The following GPR149 variants were observed in gnomAD, a reference collection of about 807,000 sequenced individuals.
GPR149 encodes probable G protein-coupled receptor 149.
Under a neutral mutation model 50.2 loss-of-function variants are expected in GPR149, and 50 were observed. The observed-to-expected ratio is 1.00, with a 90% confidence interval of 0.79 to 1.26. GPR149 has a LOEUF of 1.26. GPR149 is among the 50% of genes most tolerant of loss of function. The pLI is 0.00. For synonymous variants in GPR149, 405 were observed against 358.2 expected (o/e 1.13, Z -1.48); for missense variants, 983 against 895.4 (o/e 1.10, Z -1.25).
At chr3:154,388,056 G>T (rs1284728488) in intron 3 of GPR149, among the ~76,000 whole-genome samples, 1 of 152,002 alleles carries the variant, frequency 6.6e-6, no homozygotes, top group African/African-American at 2.4e-5. Flanking sequence ...TGCCTATTTT[G>T]AATTGCAGGA....
At chr3:154,423,796 A>G (rs1712211668) in intron 2 of GPR149, among the ~76,000 whole-genome samples, 1 of 151,942 alleles carries the variant, frequency 6.6e-6, no homozygotes, top group African/African-American at 2.4e-5. Context: ...AACCAAAAAT[A>G]TAAAATAAAA....
chr3:154,350,076 A>C (rs1002873260), intron 3 of GPR149, among the ~76,000 whole-genome samples: 1 of 152,140 alleles, frequency 6.6e-6, no homozygotes, highest in African/African-American at 2.4e-5. Context: ...GTGTGCCTGT[A>C]ATCCCAGCTA....
intron 3 of GPR149, among the ~76,000 whole-genome samples, chr3:154,377,119 A>G (rs1714810409): frequency 6.6e-6 from 1 of 151,302 alleles, no homozygotes; most frequent in Non-Finnish European, 1.5e-5. Context: ...CATAGCAGGT[A>G]TTTATAAAGT....
chr3:154,408,570 T>G (rs1437414371), intron 3 of GPR149, among the ~76,000 whole-genome samples: 1 of 152,080 alleles, frequency 6.6e-6, no homozygotes, highest in Non-Finnish European at 1.5e-5. Context: ...TCCCCCACTT[T>G]CCTGGTGACC....
intron 3 of GPR149, among the ~76,000 whole-genome samples, chr3:154,392,098 A>G (rs1359437525): frequency 1.3e-5 from 2 of 151,906 alleles, no homozygotes; most frequent in Non-Finnish European, 2.9e-5. Context: ...TTAATAATAT[A>G]ACATTTGAAA....
chr3:154,417,280 T>C (rs937267784), intron 3 of GPR149, among the ~76,000 whole-genome samples: 1 of 152,024 alleles, frequency 6.6e-6, no homozygotes, highest in Non-Finnish European at 1.5e-5. Flanking sequence ...TGTGTGGCCA[T>C]GTTTAAATTG....
chr3:154,352,440 G>A (rs2108389980), intron 3 of GPR149: 1 of 855,666 alleles, frequency 1.2e-6, no homozygotes, highest in Non-Finnish European at 2.0e-6. Flanking sequence ...TTCAGTTGTA[G>A]GAACATCAAA....
chr3:154,361,970 G>T (rs1320263109), intron 3 of GPR149, among the ~76,000 whole-genome samples: 1 of 152,084 alleles, frequency 6.6e-6, no homozygotes, highest in East Asian at 1.9e-4. Context: ...AGAATTGGAA[G>T]CCAAAATTTA....
chr3:154,420,510 A>T (rs1712110418), intron 3 of GPR149, among the ~76,000 whole-genome samples: 1 of 152,026 alleles, frequency 6.6e-6, no homozygotes, highest in Admixed American at 6.6e-5. Flanking sequence ...ACGAGAATGT[A>T]TTCTGTAATA....
intron 3 of GPR149, among the ~76,000 whole-genome samples, chr3:154,345,984 T>A (rs1713917254): frequency 6.6e-6 from 1 of 152,238 alleles, no homozygotes; most frequent in Non-Finnish European, 1.5e-5. Flanking sequence ...GTGCTCTTTC[T>A]ATTATTTGTA....
At chr3:154,372,226 T>G (rs1714683380) in intron 3 of GPR149, among the ~76,000 whole-genome samples, 2 of 152,156 alleles carry the variant, frequency 1.3e-5, no homozygotes, top group African/African-American at 4.8e-5. Flanking sequence ...CATCAGGACT[T>G]ACTTTGGTCC....
chr3:154,408,623 T>A (rs543188501), intron 3 of GPR149, among the ~76,000 whole-genome samples: 1 of 152,244 alleles, frequency 6.6e-6, no homozygotes, highest in South Asian at 2.1e-4. Context: ...TCCTTGGGAA[T>A]ATAACTCCAT....
At position 154,390,118 on chromosome 3, in the gene GPR149, C is replaced by T. The variant is rs188802911; in HGVS notation, c.1623+30921G>A. On this transcript the variant is annotated intron_variant, in intron 3 of 3. Coordinates refer to ENST00000389740, the MANE Select transcript of GPR149 (RefSeq NM_001038705.3). ...CCCCTGGAATCTCTGGCTGGTCTGA[C>T]TGGTGAGGATCCTCTCCTGTACAAG... Among the ~76,000 whole-genome samples, 234 of 152,236 alleles carry T rather than the reference C, an allele frequency of 1.5e-3. 3 individuals carry two copies. The highest frequency in any genetic ancestry group is 3.7e-4 in the Non-Finnish European group (25 of 68,014).
In GPR149 at chr3:154,428,669, G is replaced by T. The variant is rs751636446; in HGVS notation, c.947C>A (p.Ala316Glu). The T allele has an allele frequency of 6.2e-7, 1 of 1,613,502 alleles. No homozygotes were observed. Among genetic ancestry groups the T allele is most frequent in the Non-Finnish European group, 8.5e-7 (1 of 1,179,874 alleles). The part of the protein sequence containing the change: ...VAQKRFALIL[A>E]LTKVVLWLPM... ...CAGCCAAAGGACGACTTTTGTAAGC[G>T]CTAGGATCAAAGCGAAGCGCTTCTG... is the stretch of plus-strand genomic sequence containing the variant. The change falls in exon 1 of 4, where the codon GCG becomes GAG. Residue 316 changes from alanine to glutamate, a missense_variant. By Grantham distance (107) the Ala-to-Glu change is moderately radical (BLOSUM62 -1). Coordinates refer to ENST00000389740, the MANE Select transcript of GPR149 (RefSeq NM_001038705.3).
chr3:154,355,225 A>C (rs1322947391), intron 3 of GPR149, among the ~76,000 whole-genome samples: 1 of 152,114 alleles, frequency 6.6e-6, no homozygotes, highest in Non-Finnish European at 1.5e-5. Context: ...ATGGGGTTTC[A>C]CCATGCTGAT....
rs371699470 is a variant in GPR149, at chr3:154,337,868, A to T, written c.2027T>A (p.Leu676Ter). ...ATCACCATCAGGATTACTGGTGGGC[A>T]AAAAGAGGGAGTATGAGGCTGTTTC... Reference protein sequence around the residue: ...LGETASYSLFLPTSNPDGDIN... With the variant: ...LGETASYSLF Residue 676 changes from leucine to a stop codon, truncating the protein, a stop_gained, in exon 4 of 4, where the codon TTG becomes TAG. Coordinates refer to ENST00000389740, the MANE Select transcript of GPR149 (RefSeq NM_001038705.3). LOFTEE classifies it high-confidence loss of function. 6.2e-7 allele frequency: 1 copy of T among 1,613,822 alleles called. No homozygotes were observed. Among genetic ancestry groups the T allele is most frequent in the African/African-American group, 1.3e-5 (1 of 75,042 alleles).
chr3:154,428,008 C>G (rs905115459), intron 1 of GPR149, among the ~76,000 whole-genome samples: 13 of 152,206 alleles, frequency 8.5e-5, no homozygotes, highest in Non-Finnish European at 1.8e-4. Flanking sequence ...AGGAAACAGG[C>G]GTCCGTGAAA....
At chr3:154,421,740 C>T (rs1039766138) in intron 2 of GPR149, among the ~76,000 whole-genome samples, 3 of 151,794 alleles carry the variant, frequency 2.0e-5, no homozygotes, top group Non-Finnish European at 4.4e-5. Flanking sequence ...CTCTTTCAGT[C>T]TCTAAAGAAG....
At position 154,345,292 on chromosome 3, in the gene GPR149, G is replaced by A. The variant is rs571387576; in HGVS notation, c.1624-7021C>T. On this transcript the variant is annotated intron_variant, in intron 3 of 3. Coordinates refer to ENST00000389740, the MANE Select transcript of GPR149 (RefSeq NM_001038705.3). ...TAAACAGCCTTATATAATAAATGAT[G>A]ATAGTTACAAGTACATCAGAAGGTC... Among the ~76,000 whole-genome samples, 29 of 152,282 alleles carry A rather than the reference G, an allele frequency of 1.9e-4. 1 individual carries two copies. In the South Asian group the frequency reaches 5.8e-3, roughly 30 times the overall value.
Sources: gnomAD v4.1 joint callset for allele counts (sites outside exome capture counted in the v4.1 genomes callset) on GRCh38, gnomAD v4.1.1 for gene constraint, MANE v1.5 for transcripts, NCBI Gene and HGNC (gene_info 2026-07-23, HGNC 2026-07-21) for gene names.